Variants in SSBP2 observed in about 807,000 individuals in gnomAD.
SSBP2 encodes the protein single-stranded DNA-binding protein 2.
SSBP2 carries 17 observed loss-of-function variants against 61.8 expected under a neutral mutation model. That is an observed-to-expected ratio of 0.28 (90% confidence interval 0.19 to 0.41). The LOEUF is 0.41. Ranked by LOEUF, SSBP2 falls within the 10% of genes least tolerant of loss-of-function variation. The pLI is 1.00. For synonymous variants in SSBP2, 139 were observed against 141.3 expected (o/e 0.98, Z 0.12); for missense variants, 310 against 458.7 (o/e 0.68, Z 2.96).
chr5:81,525,381 T>C (rs1402822000), intron 4 of SSBP2, among the ~76,000 whole-genome samples: 1 of 152,012 alleles, frequency 6.6e-6, no homozygotes, highest in Non-Finnish European at 1.5e-5. Context: ...CCCCTCTTTG[T>C]GTCCACATCT....
chr5:81,655,198 G>A (rs1750110277), intron 1 of SSBP2, among the ~76,000 whole-genome samples: 1 of 151,994 alleles, frequency 6.6e-6, no homozygotes, highest in South Asian at 2.1e-4. Context: ...TGGATTACTA[G>A]ACAGTGAAAA....
chr5:81,744,203 A>G (rs1469186214), intron 1 of SSBP2, among the ~76,000 whole-genome samples: 1 of 152,212 alleles, frequency 6.6e-6, no homozygotes, highest in East Asian at 1.9e-4. Context: ...CAAACTCTTT[A>G]TATACTATTT....
intron 1 of SSBP2, among the ~76,000 whole-genome samples, chr5:81,720,366 A>G (rs1300261255): frequency 6.6e-6 from 1 of 152,172 alleles, no homozygotes; most frequent in Non-Finnish European, 1.5e-5. Context: ...TGTCTGTATC[A>G]TAATTTAAAA....
Position 81,418,791 on chromosome 5 carries a change from A to G in SSBP2, c.*1713T>C, listed in dbSNP as rs1040902038. On this transcript the variant is annotated 3_prime_UTR_variant, in exon 17 of 17. Coordinates refer to ENST00000320672, the MANE Select transcript of SSBP2 (RefSeq NM_012446.5). ...AAATATGGTATTATAATCTTATAGG[A>G]CCACTGCTGTATATGCAGTCTGTGG... 1 of 152,198 alleles carries G rather than the reference A, an allele frequency of 6.6e-6. No individual in the cohort carries two copies. Among genetic ancestry groups the G allele is most frequent in the Non-Finnish European group, 1.5e-5 (1 of 68,030 alleles). 9.4% of individuals were successfully genotyped at this position (152,198 alleles called of 1,614,324 possible).
chr5:81,493,672 C>T (rs1224418634), intron 5 of SSBP2, among the ~76,000 whole-genome samples: 2 of 151,880 alleles, frequency 1.3e-5, no homozygotes, highest in Non-Finnish European at 2.9e-5. Context: ...AGGAGAATTG[C>T]TTGAACCTGG....
intron 15 of SSBP2, among the ~76,000 whole-genome samples, chr5:81,431,924 C>A (rs1411765161): frequency 1.3e-5 from 2 of 152,098 alleles, no homozygotes; most frequent in Non-Finnish European, 2.9e-5. Flanking sequence ...ATCCCTTCTC[C>A]CATCCTCAAA....
chr5:81,528,779 C>CT (rs1176334567), intron 4 of SSBP2, among the ~76,000 whole-genome samples: 4 of 151,948 alleles, frequency 2.6e-5, no homozygotes, highest in Non-Finnish European at 4.4e-5. Flanking sequence ...CAAAGACGGT[C>CT]TTTAGTCAAT....
intron 1 of SSBP2, among the ~76,000 whole-genome samples, chr5:81,743,572 C>G (rs770015993): frequency 6.6e-6 from 1 of 152,190 alleles, no homozygotes; most frequent in African/African-American, 2.4e-5. Context: ...CCTCAAGATA[C>G]ATCTTCCTTG....
intron 9 of SSBP2, 43 bp from the exon 10 acceptor site, chr5:81,461,146 A>G: frequency 1.4e-6 from 2 of 1,416,172 alleles, no homozygotes; most frequent in South Asian, 2.7e-5. Context: ...CTATGCTTTG[A>G]AGGTTTCACA....
chr5:81,651,451 A>G (rs184077482), intron 1 of SSBP2, among the ~76,000 whole-genome samples: 7 of 152,282 alleles, frequency 4.6e-5, no homozygotes, highest in African/African-American at 1.7e-4. Flanking sequence ...CCCCATTCCA[A>G]AATTGCCAAA....
chr5:81,479,848 G>T (rs1765857201), intron 6 of SSBP2, among the ~76,000 whole-genome samples: 2 of 152,078 alleles, frequency 1.3e-5, no homozygotes, highest in Admixed American at 1.3e-4. Context: ...CCATGGTTAT[G>T]CTATTTTTAA....
intron 4 of SSBP2, among the ~76,000 whole-genome samples, chr5:81,539,202 G>A (rs1224649625): frequency 6.6e-6 from 1 of 152,186 alleles, no homozygotes; most frequent in Non-Finnish European, 1.5e-5. Context: ...ATGACTTTAA[G>A]GGGTTCAAGA....
rs1765470103 is a variant in SSBP2, at chr5:81,474,674, T to G, written c.433-112A>C. ...TGATAATTACAAGAATGCATTTGAG[T>G]ATTTCTCAAGATTTCTTATATTTCA... On this transcript the variant is annotated intron_variant, in intron 6 of 16. Coordinates refer to ENST00000320672, the MANE Select transcript of SSBP2 (RefSeq NM_012446.5). 2.0e-5 allele frequency: 15 copies of G among 738,344 alleles called. No homozygotes were observed. The South Asian group carries it at 3.3e-4, about 16-fold the overall frequency. 45.7% of individuals were successfully genotyped at this position (738,344 alleles called of 1,614,324 possible).
intron 4 of SSBP2, among the ~76,000 whole-genome samples, chr5:81,542,211 T>C (rs1771329729): frequency 6.6e-6 from 1 of 151,828 alleles, no homozygotes; most frequent in Non-Finnish European, 1.5e-5. Flanking sequence ...AAGACCACAA[T>C]GAGATACCAT....
chr5:81,724,392 T>C (rs16899102), intron 1 of SSBP2, among the ~76,000 whole-genome samples: 13,711 of 152,052 alleles, frequency 0.09, 2,065 homozygotes, highest in African/African-American at 0.31. Flanking sequence ...CTATTACGAA[T>C]GTTGCTAAGT....
chr5:81,591,706 A>G lies in SSBP2; in HGVS notation c.282+23767T>C, dbSNP rs76344187. 9.7e-3 allele frequency among the ~76,000 whole-genome samples: 1,484 copies of G among 152,312 alleles called. 15 individuals are homozygous for G. Among genetic ancestry groups the G allele is most frequent in the African/African-American group, 0.034 (1,400 of 41,570 alleles). ...GTGAGGAAAACATCAGTGACCCTGG[A>G]AATAGATTGAAAAAAAGTACTCAAA... On this transcript the variant is annotated intron_variant, in intron 4 of 16. Coordinates refer to ENST00000320672, the MANE Select transcript of SSBP2 (RefSeq NM_012446.5).
chr5:81,651,560 A>C (rs985410854), intron 1 of SSBP2, among the ~76,000 whole-genome samples: 1 of 152,206 alleles, frequency 6.6e-6, no homozygotes, highest in Non-Finnish European at 1.5e-5. Context: ...GTGAGGATGA[A>C]TGTAATTTAG....
rs567342091 is a variant in SSBP2, at chr5:81,625,884, A to G, written c.198-10327T>C. On this transcript the variant is annotated intron_variant, in intron 3 of 16. Coordinates refer to ENST00000320672, the MANE Select transcript of SSBP2 (RefSeq NM_012446.5). ...TGGCCAGATCTAGGACTACCCGACA[A>G]CAAAAATTTTTTAAAAGACAGAACA... 1.4e-3 allele frequency among the ~76,000 whole-genome samples: 206 copies of G among 152,352 alleles called. 1 individual carries two copies. The highest frequency in any genetic ancestry group is 3.1e-4 in the Non-Finnish European group (21 of 68,034).
chr5:81,459,950 C>T (rs1434198176), intron 10 of SSBP2, among the ~76,000 whole-genome samples: 1 of 152,194 alleles, frequency 6.6e-6, no homozygotes. Flanking sequence ...CAACATCATT[C>T]TTTTCACTTC....
Sources: allele counts gnomAD v4.1 joint callset (sites outside exome capture counted in the v4.1 genomes callset), GRCh38; gene constraint gnomAD v4.1.1; transcripts MANE v1.5; gene names NCBI Gene and HGNC (gene_info 2026-07-23, HGNC 2026-07-21).